The following SLC25A34 variants were observed in gnomAD, a reference collection of about 807,000 sequenced individuals.
The protein encoded by SLC25A34 is solute carrier family 25, member 34.
Under a neutral mutation model 28.1 loss-of-function variants are expected in SLC25A34, and 26 were observed. The ratio of observed to expected loss-of-function variants is 0.93; its 90% CI spans 0.68 to 1.28. The LOEUF (loss-of-function observed/expected upper bound fraction) is 1.28, where lower values mean the gene tolerates loss of function less well. Ranked by LOEUF, SLC25A34 falls within the 50% of genes most tolerant of loss-of-function variation. SLC25A34 has a pLI of 0.00. For missense variants in SLC25A34, 384 were observed against 409.8 expected (o/e 0.94, Z 0.54); for synonymous variants, 182 against 182.2 (o/e 1.00, Z 0.01).
chr1:15,738,336 G>T, intron 3 of SLC25A34, 91 bp downstream of exon 3: 1 of 1,472,890 alleles, frequency 6.8e-7, no homozygotes, highest in Non-Finnish European at 9.0e-7. Context: ...AAGACCAGGG[G>T]GTGGCAACAG....
chr1:15,737,823 A>G, intron 1 of SLC25A34, 106 bp from the exon 2 acceptor site: 1 of 1,232,506 alleles, frequency 8.1e-7, no homozygotes, highest in South Asian at 1.3e-5. Flanking sequence ...GGGACCATGG[A>G]GCTGTGAGTT....
At position 15,738,449 on chromosome 1, in the gene SLC25A34, G is replaced by A. The variant is rs542290676; in HGVS notation, c.598-145G>A. On this transcript the variant is annotated intron_variant, in intron 3 of 4. Transcript: ENST00000294454. ...CCAAAGCTGAGAAGGAGCTCAGGGT[G>A]GCAGGGCTGGGGGATGGCTGGAGGG... 15 of 1,317,186 alleles carry A rather than the reference G, an allele frequency of 1.1e-5. No homozygotes were observed. The Admixed American group carries it at 3.4e-4, about 30-fold the overall frequency. The allele number at this position is 1,317,186 out of a possible 1,614,324, so 81.6% of individuals were successfully genotyped here. A position where few individuals can be genotyped will look rare whatever the true frequency, so the allele number is the denominator to read the frequency against.
chr1:15,738,875 A>C lies in SLC25A34; in HGVS notation c.732+147A>C. 14 of 1,148,326 alleles carry C rather than the reference A, an allele frequency of 1.2e-5. No individual in the cohort carries two copies. The South Asian group carries it at 2.7e-4, about 22-fold the overall frequency. 71.1% of individuals were successfully genotyped at this position (1,148,326 alleles called of 1,614,324 possible). On this transcript the variant is annotated intron_variant, in intron 4 of 4. Transcript: ENST00000294454. ...ACAGGCCAGGTATGCAAACACATTA[A>C]CTGGGCTTGTTTGCTGAGCCCCCGG...
At position 15,737,995 on chromosome 1, in the gene SLC25A34, G is replaced by A; in HGVS notation, c.444+1G>A. Reference sequence around the variant, plus strand: ...CGTGGGACACCAGCACAATCACCAGGTGAGGCCTGCCACTCTCAGAGCTCC... The same window carrying A: ...CGTGGGACACCAGCACAATCACCAGATGAGGCCTGCCACTCTCAGAGCTCC... On this transcript the variant is annotated splice_donor_variant, in intron 2 of 4. Coordinates refer to ENST00000294454, the MANE Select transcript of SLC25A34 (RefSeq NM_207348.3). LOFTEE classifies it high-confidence loss of function. 1 of 1,613,496 alleles carries A rather than the reference G, an allele frequency of 6.2e-7. No individual in the cohort carries two copies. The highest frequency in any genetic ancestry group is 8.5e-7 in the Non-Finnish European group (1 of 1,180,010).
At chr1:15,738,475 G>T in intron 3 of SLC25A34, 119 bp from the exon 4 acceptor site, 1 of 1,417,084 alleles carries the variant, frequency 7.1e-7, no homozygotes, top group Non-Finnish European at 9.4e-7. Context: ...GGCTGGAGGG[G>T]CCTCATCTGC....
At position 15,740,057 on chromosome 1, in the gene SLC25A34, A is replaced by G. The variant is rs1187186169; in HGVS notation, c.*651A>G. The G allele has an allele frequency of 3.3e-5, 5 of 152,210 alleles. No individual in the cohort carries two copies. The highest frequency in any genetic ancestry group is 2.9e-5 in the Non-Finnish European group (2 of 68,056). 9.4% of individuals were successfully genotyped at this position (152,210 alleles called of 1,614,324 possible). On this transcript the variant is annotated 3_prime_UTR_variant, in exon 5 of 5. Coordinates refer to ENST00000294454, the MANE Select transcript of SLC25A34 (RefSeq NM_207348.3). ...GAACCACAGACTGGGCGACTTAGAC[A>G]ATAGAAATGTATTTTCTCACAGTTC...
chr1:15,738,749 G>C (rs1256036977), intron 4 of SLC25A34, 21 bp downstream of exon 4: 1 of 1,519,654 alleles, frequency 6.6e-7, no homozygotes, highest in Admixed American at 2.1e-5. Flanking sequence ...GCGGGTCTAG[G>C]GGAGACCGTG....
At chr1:15,738,310 C>T in intron 3 of SLC25A34, 65 bp downstream of exon 3, 2 of 1,518,148 alleles carry the variant, frequency 1.3e-6, no homozygotes, top group Admixed American at 2.2e-5. Flanking sequence ...GGCCACCTGC[C>T]TCCTTCCACA....
chr1:15,739,240 G>A lies in SLC25A34; in HGVS notation c.749G>A (p.Gly250Asp). The A allele has an allele frequency of 1.2e-6, 2 of 1,612,450 alleles. No individual in the cohort carries two copies. Among genetic ancestry groups the A allele is most frequent in the Non-Finnish European group, 1.7e-6 (2 of 1,179,490 alleles). ...DTAGRGQLYGGLTDCMVKIWR... is the reference protein window; with the variant it reads ...DTAGRGQLYGDLTDCMVKIWR... The stretch of plus-strand genomic sequence containing the variant: ...TTTCCCCAGGGCCAGCTCTATGGGG[G>A]CCTCACCGACTGCATGGTGAAGATC... Residue 250 changes from glycine (G) to aspartate (D), a missense_variant, in exon 5 of 5, where the codon GGC becomes GAC. Physicochemically the swap from Gly to Asp is moderately conservative, Grantham distance 94. Coordinates refer to ENST00000294454, the MANE Select transcript of SLC25A34 (RefSeq NM_207348.3).
chr1:15,737,334 C>G (rs1005771314), intron 1 of SLC25A34, among the ~76,000 whole-genome samples: 1 of 152,042 alleles, frequency 6.6e-6, no homozygotes, highest in Non-Finnish European at 1.5e-5. Flanking sequence ...TTTGGGAGGC[C>G]GAGGCGGGCA....
In SLC25A34 at chr1:15,738,087, C is replaced by T. The variant is rs1436029086; in HGVS notation, c.445-6C>T. ...TGGCCAGTGACCCCGTGCCCTCTCC[C>T]CACAGACTGTCCTGGGTGCCTTGGA... On this transcript the variant is annotated splice_polypyrimidine_tract_variant and splice_region_variant and intron_variant, in intron 2 of 4. Coordinates refer to ENST00000294454, the MANE Select transcript of SLC25A34 (RefSeq NM_207348.3). 1.2e-6 allele frequency: 2 copies of T among 1,609,980 alleles called. No individual in the cohort carries two copies.
At position 15,741,075 on chromosome 1, in the gene SLC25A34, T is replaced by A. The variant is rs1002757512; in HGVS notation, c.*1669T>A. 6.6e-6 allele frequency: 1 copy of A among 152,232 alleles called. No individual in the cohort carries two copies. Among genetic ancestry groups the A allele is most frequent in the Non-Finnish European group, 1.5e-5 (1 of 68,110 alleles). The allele number at this position is 152,232 out of a possible 1,614,324, so 9.4% of individuals were successfully genotyped here. A position where few individuals can be genotyped will look rare whatever the true frequency, so the allele number is the denominator to read the frequency against. On this transcript the variant is annotated 3_prime_UTR_variant, in exon 5 of 5. Transcript: ENST00000294454. Reference sequence around the variant, plus strand: ...ATATCCTGACAAGCCTGAAAGAAGCTCCGGGTGCCCATTGTTCAGTCCAGG... The same window carrying A: ...ATATCCTGACAAGCCTGAAAGAAGCACCGGGTGCCCATTGTTCAGTCCAGG...
chr1:15,738,454 G>T, intron 3 of SLC25A34, 140 bp from the exon 4 acceptor site: 1 of 1,342,094 alleles, frequency 7.5e-7, no homozygotes, highest in African/African-American at 1.5e-5. Flanking sequence ...AGGGTGGCAG[G>T]GCTGGGGGAT....
chr1:15,736,805 TGGTTGC>T lies in SLC25A34; in HGVS notation c.323_328del (p.Val108_Ala109del). 6.3e-7 allele frequency: 1 copy of T among 1,598,424 alleles called. No homozygotes were observed. Among genetic ancestry groups the T allele is most frequent in the East Asian group, 2.2e-5 (1 of 44,646 alleles). On this transcript the variant is annotated inframe_deletion, in exon 1 of 5. Coordinates refer to ENST00000294454, the MANE Select transcript of SLC25A34 (RefSeq NM_207348.3). The stretch of plus-strand genomic sequence containing the variant: ...CTCACGCAGCAACCAGGTGGCACCG[TGGTTGC>T]GGGAGCCGTGGCGGGGGCACTGGGA...
At chr1:15,738,542 G>A (rs1025110141) in intron 3 of SLC25A34, 52 bp from the exon 4 acceptor site, 23 of 1,570,820 alleles carry the variant, frequency 1.5e-5, no homozygotes, top group South Asian at 9.2e-5. Flanking sequence ...AGGGCACGAC[G>A]TGGGTGGGTA....
At position 15,736,344 on chromosome 1, in the gene SLC25A34, C is replaced by G. The variant is rs965371268; in HGVS notation, c.-142C>G. On this transcript the variant is annotated 5_prime_UTR_variant, in exon 1 of 5. Coordinates refer to ENST00000294454, the MANE Select transcript of SLC25A34 (RefSeq NM_207348.3). ...AGCCACAGGCCTGTCAGACCAGGAC[C>G]CTTACCCTCTAGACATGGCCTCGGT... 7.9e-6 allele frequency: 7 copies of G among 883,914 alleles called. No individual in the cohort carries two copies. The highest frequency in any genetic ancestry group is 3.8e-4 in the Middle Eastern group (1 of 2,652). 54.8% of individuals were successfully genotyped at this position (883,914 alleles called of 1,614,324 possible).
Position 15,738,000 on chromosome 1 carries a change from G to T in SLC25A34, c.444+6G>T. On this transcript the variant is annotated splice_donor_region_variant and intron_variant, in intron 2 of 4. Transcript: ENST00000294454. ...GACACCAGCACAATCACCAGGTGAGGCCTGCCACTCTCAGAGCTCCCTGGG... is the reference window on the plus strand; with the variant it reads ...GACACCAGCACAATCACCAGGTGAGTCCTGCCACTCTCAGAGCTCCCTGGG... 2 of 1,610,478 alleles carry T rather than the reference G, an allele frequency of 1.2e-6. No individual in the cohort carries two copies. Among genetic ancestry groups the T allele is most frequent in the Non-Finnish European group, 1.7e-6 (2 of 1,179,302 alleles).
In SLC25A34 at chr1:15,740,431, C is replaced by T. The variant is rs919458887; in HGVS notation, c.*1025C>T. ...TAGCTGGGATTACAGGTGTGTGCCA[C>T]CACACCCGGCCAATTTTTGTATCTT... On this transcript the variant is annotated 3_prime_UTR_variant, in exon 5 of 5. Transcript: ENST00000294454. 2.6e-5 allele frequency: 4 copies of T among 152,136 alleles called. No homozygotes were observed. The highest frequency in any genetic ancestry group is 1.5e-5 in the Non-Finnish European group (1 of 68,070). 9.4% of individuals were successfully genotyped at this position (152,136 alleles called of 1,614,324 possible).
chr1:15,739,125 T>G, intron 4 of SLC25A34, 99 bp from the exon 5 acceptor site: 1 of 1,436,032 alleles, frequency 7.0e-7, no homozygotes, highest in Non-Finnish European at 9.5e-7. Context: ...GTGCTGTCCA[T>G]AGGGTGTGTG....
Sources: allele counts gnomAD v4.1 joint callset (sites outside exome capture counted in the v4.1 genomes callset), GRCh38; gene constraint gnomAD v4.1.1; transcripts MANE v1.5; gene names NCBI Gene and HGNC (gene_info 2026-07-23, HGNC 2026-07-21).